The following ZNF558 variants were observed in gnomAD, a reference collection of about 807,000 sequenced individuals.
ZNF558 encodes zinc finger protein 558.
ZNF558 carries 23 observed loss-of-function variants against 37.6 expected under a neutral mutation model. The observed-to-expected ratio is 0.61, with a 90% CI of 0.44 to 0.87. The LOEUF is 0.87. Among genes scored for constraint, ZNF558 ranks in the 40% least tolerant of loss-of-function variants. ZNF558 has a pLI of 0.00. For synonymous variants in ZNF558, 189 were observed against 174.4 expected (o/e 1.08, Z -0.66); for missense variants, 429 against 483.7 (o/e 0.89, Z 1.06).
At chr19:8,835,767 A>G (rs192062955), upstream of ZNF558, among the ~76,000 whole-genome samples, 12 of 152,360 alleles carry the variant, frequency 7.9e-5, 1 homozygote, top group Admixed American at 7.8e-4. Flanking sequence ...AAAATTTTGT[A>G]TGTCCCAAAT....
intron 2 of ZNF558, among the ~76,000 whole-genome samples, chr19:8,826,923 G>A (rs536530823): frequency 6.6e-6 from 1 of 152,320 alleles, no homozygotes; most frequent in South Asian, 2.1e-4. Context: ...ACAGGGGGAA[G>A]TATCTCCTTT....
upstream of ZNF558, among the ~76,000 whole-genome samples, chr19:8,835,000 G>T (rs553475659): frequency 1.7e-4 from 26 of 151,546 alleles, no homozygotes; most frequent in African/African-American, 6.3e-4. Flanking sequence ...ATATATAAAG[G>T]CTTGCGACTC....
chr19:8,837,766 A>G, the ZNF558 span, among the ~76,000 whole-genome samples: 37 of 152,342 alleles, frequency 2.4e-4, no homozygotes, highest in African/African-American at 8.2e-4. Flanking sequence ...AGTAAAAACA[A>G]CTAGTAGCTT....
chr19:8,817,924 A>C lies in ZNF558; in HGVS notation c.247+3256T>G, dbSNP rs2967763. Reference sequence around the variant, plus strand: ...AATACTCCACTTTCAATAATGGATAAAACAACATATTAGAAGATCAAAAAG... The same window carrying C: ...AATACTCCACTTTCAATAATGGATACAACAACATATTAGAAGATCAAAAAG... On this transcript the variant is annotated intron_variant, in intron 7 of 9. Transcript: ENST00000601372. Among the ~76,000 whole-genome samples, 73 of 152,070 alleles carry C rather than the reference A, an allele frequency of 4.8e-4. 3 individuals carry two copies. Among genetic ancestry groups the C allele is most frequent in the African/African-American group, 1.8e-3 (73 of 41,450 alleles).
chr19:8,811,976 T>A lies in ZNF558; in HGVS notation c.514A>T (p.Arg172Ter). ...TAGGGTTTTTCTCCAGTATGAATTC[T>A]CTTGTGCTGAGTTAGGTTAGATTTC... ...STKSNLTQHK[R>*]IHTGEKPYDC... The change falls in exon 10 of 10, where the codon AGA becomes TGA. Residue 172 changes from arginine to a stop codon, truncating the protein, a stop_gained. Transcript: ENST00000601372. LOFTEE classifies it high-confidence loss of function. 1.9e-6 allele frequency: 3 copies of A among 1,614,124 alleles called. No homozygotes were observed. Among genetic ancestry groups the A allele is most frequent in the Non-Finnish European group, 2.5e-6 (3 of 1,179,990 alleles).
At position 8,811,955 on chromosome 19, in the gene ZNF558, G is replaced by C; in HGVS notation, c.535C>G (p.Pro179Ala). The C allele has an allele frequency of 6.2e-7, 1 of 1,614,090 alleles. No homozygotes were observed. The highest frequency in any genetic ancestry group is 8.5e-7 in the Non-Finnish European group (1 of 1,180,000). The part of the protein sequence containing the change: ...QHKRIHTGEK[P>A]YDCSQCGKSF... ...TTCCCACATTGACTACAGTCATAGG[G>C]TTTTTCTCCAGTATGAATTCTCTTG... The change falls in exon 10 of 10, where the codon CCC becomes GCC. Residue 179 changes from proline to alanine, a missense_variant. Coordinates refer to ENST00000601372, the MANE Select transcript of ZNF558 (RefSeq NM_144693.3).
At chr19:8,837,802 T>A in the ZNF558 span, among the ~76,000 whole-genome samples, 1 of 152,102 alleles carries the variant, frequency 6.6e-6, no homozygotes, top group Non-Finnish European at 1.5e-5. Context: ...ACGCATAAAA[T>A]AATTGCTACT....
upstream of ZNF558, among the ~76,000 whole-genome samples, chr19:8,836,116 C>G (rs960451708): frequency 2.6e-5 from 4 of 152,106 alleles, no homozygotes; most frequent in African/African-American, 9.6e-5. Context: ...CCATTTTACA[C>G]AAAAGTGTAA....
chr19:8,830,073 G>A (rs375189413), intron 2 of ZNF558, among the ~76,000 whole-genome samples: 46 of 152,100 alleles, frequency 3.0e-4, no homozygotes, highest in East Asian at 2.5e-3. Flanking sequence ...TCATGGGGGC[G>A]GACTTCCCCC....
At chr19:8,831,224 T>C (rs1196938303) in intron 2 of ZNF558, 94 bp downstream of exon 2, 1 of 152,222 alleles carries the variant, frequency 6.6e-6, no homozygotes, top group African/African-American at 2.4e-5. Flanking sequence ...GACTTCAATG[T>C]GGTTACAACC....
chr19:8,827,673 A>C (rs2145297673), intron 2 of ZNF558, among the ~76,000 whole-genome samples: 1 of 146,204 alleles, frequency 6.8e-6, no homozygotes, highest in South Asian at 2.2e-4. Flanking sequence ...TCCCAGGTTC[A>C]AGCAATTCTC....
At chr19:8,836,855 T>A (rs1381634437), upstream of ZNF558, among the ~76,000 whole-genome samples, 1 of 152,170 alleles carries the variant, frequency 6.6e-6, no homozygotes. Context: ...TGGGGATAAA[T>A]AATTGTAAAA....
intron 2 of ZNF558, among the ~76,000 whole-genome samples, chr19:8,830,303 A>C (rs2044320671): frequency 6.6e-6 from 1 of 152,162 alleles, no homozygotes; most frequent in African/African-American, 2.4e-5. Context: ...AGTTATTTAT[A>C]GCAGTGTGAA....
upstream of ZNF558, among the ~76,000 whole-genome samples, chr19:8,833,805 T>G (rs536522510): frequency 6.6e-6 from 1 of 152,226 alleles, no homozygotes; most frequent in Admixed American, 6.5e-5. Context: ...CCTGCCAACA[T>G]GGTGAAACCC....
At chr19:8,837,222 C>A (rs1375321243), upstream of ZNF558, among the ~76,000 whole-genome samples, 1 of 152,124 alleles carries the variant, frequency 6.6e-6, no homozygotes, top group Non-Finnish European at 1.5e-5. Context: ...ATCAACCCAG[C>A]AATTTTACAG....
Position 8,811,485 on chromosome 19 carries a change from A to C in ZNF558, c.1005T>G (p.Leu335=). Residue 335 remains leucine (L), a synonymous_variant, in exon 10 of 10, where the codon CTT becomes CTG. Transcript: ENST00000601372. ...CGKSFSSSFS[L]TVHKRIHTGE... ...CGGTATGTATTCTCTTGTGCACAGT[A>C]AGAGAAAAGCTACTGCTGAAGGATT... The C allele has an allele frequency of 6.2e-7, 1 of 1,614,128 alleles. No homozygotes were observed. The highest frequency in any genetic ancestry group is 8.5e-7 in the Non-Finnish European group (1 of 1,180,002).
rs150629238 is a variant in ZNF558, at chr19:8,813,216, C to T, written c.254G>A (p.Arg85His). 9.2e-4 allele frequency: 1,457 copies of T among 1,588,990 alleles called. 8 individuals are homozygous for T. Among genetic ancestry groups the T allele is most frequent in the Middle Eastern group, 6.6e-3 (40 of 6,032 alleles). The change falls in exon 8 of 10, where the codon CGT becomes CAT. Residue 85 changes from arginine (R) to histidine (H), a missense_variant. Arg to His is a conservative substitution (Grantham distance 29). Coordinates refer to ENST00000601372, the MANE Select transcript of ZNF558 (RefSeq NM_144693.3). ...GGATATCAGACTGGGTTTATTAACA[C>T]GACACCCTATTTATGGAAACAATAC... is the stretch of plus-strand genomic sequence containing the variant. ...NCRNLASLGC[R>H]VNKPSLISQL... is the part of the protein sequence containing the mutation.
chr19:8,827,883 G>A (rs945719138), intron 2 of ZNF558, among the ~76,000 whole-genome samples: 6 of 152,006 alleles, frequency 3.9e-5, no homozygotes, highest in Non-Finnish European at 7.4e-5. Flanking sequence ...TTCTTTCCCT[G>A]TTCTTGTCTC....
chr19:8,813,318 G>T, intron 7 of ZNF558, 96 bp from the exon 8 acceptor site: 1 of 905,524 alleles, frequency 1.1e-6, no homozygotes, highest in Non-Finnish European at 1.8e-6. Context: ...GGAAAAGTGT[G>T]ACTTTAGGAG....
Sources: allele counts gnomAD v4.1 joint callset (sites outside exome capture counted in the v4.1 genomes callset), GRCh38; gene constraint gnomAD v4.1.1; transcripts MANE v1.5; gene names NCBI Gene and HGNC (gene_info 2026-07-23, HGNC 2026-07-21).